GTF3C3: variants seen among roughly 807,000 people sequenced by gnomAD.
GTF3C3 encodes the protein general transcription factor IIIC subunit 3.
A neutral mutation model predicts 105.2 loss-of-function variants in GTF3C3; 75 were observed. That is an observed-to-expected ratio of 0.71 (90% CI 0.59 to 0.86). GTF3C3 has a LOEUF of 0.86. GTF3C3 is among the 40% of genes least tolerant of loss of function. The pLI, the probability that GTF3C3 is intolerant of heterozygous loss-of-function variation, is 0.00. For missense variants in GTF3C3, 856 were observed against 1,076.5 expected, an observed-to-expected ratio of 0.80 and a Z score of 2.87; for synonymous variants, 335 against 370.4, an observed-to-expected ratio of 0.90 and a Z score of 1.10.
chr2:196,781,360 ATATATAT>A (rs1559301648), intron 8 of GTF3C3, among the ~76,000 whole-genome samples: 68 of 85,438 alleles, frequency 8.0e-4, no homozygotes, highest in Middle Eastern at 6.4e-3. Flanking sequence ...AAAAAAAAAT[ATATATAT>A]ATATATATAT....
At position 196,785,508 on chromosome 2, in the gene GTF3C3, G is replaced by A. The variant is rs939548835; in HGVS notation, c.974C>T (p.Ser325Phe). The A allele has an allele frequency of 6.8e-6, 11 of 1,607,602 alleles. No homozygotes were observed. The highest frequency in any genetic ancestry group is 9.4e-6 in the Non-Finnish European group (11 of 1,174,672). Residue 325 changes from serine to phenylalanine, a missense_variant, in exon 7 of 18, where the codon TCC becomes TTC. Around this residue, in one of 3 missense-constraint regions of GTF3C3, gnomAD observed 605 missense variants for 833.6 expected, o/e 0.73. Coordinates refer to ENST00000263956, the MANE Select transcript of GTF3C3 (RefSeq NM_012086.5). ...AGCTGCTATGTTAACATCTTCCATG[G>A]AGACTAGGCCCTGGTGTTTTGAGAA... ...EAFSKHQGLV[S>F]MEDVNIAAEL...
intron 9 of GTF3C3, 59 bp from the exon 10 acceptor site, chr2:196,779,126 A>T: frequency 2.3e-6 from 3 of 1,281,322 alleles, no homozygotes; most frequent in Non-Finnish European, 3.3e-6. Flanking sequence ...ACATCTATCT[A>T]TAGCTTTTTT....
intron 3 of GTF3C3, 98 bp downstream of exon 3, chr2:196,792,858 C>A (rs1018112132): frequency 8.0e-6 from 6 of 745,962 alleles, no homozygotes; most frequent in South Asian, 3.3e-5. Context: ...TATTTCCTTT[C>A]GTACAGTTTG....
At position 196,776,529 on chromosome 2, in the gene GTF3C3, AG is replaced by A; in HGVS notation, c.1490del (p.Ser497LeufsTer26). On this transcript the variant is annotated frameshift_variant, in exon 11 of 18. Coordinates refer to ENST00000263956, the MANE Select transcript of GTF3C3 (RefSeq NM_012086.5). LOFTEE classifies it high-confidence loss of function. This position sits in a 1 kb window ranked among gnomAD's most constrained non-coding sequence, Gnocchi z 4.5. ...PLHLDARISL[S>X]TLQQQLGQPE... ...GCTGGCCCAGCTGCTGCTGAAGGGT[AG>A]AAAGTGAAATCCTTGCATCCAAATG... The A allele has an allele frequency of 6.2e-7, 1 of 1,614,152 alleles. No homozygotes were observed. Among genetic ancestry groups the A allele is most frequent in the East Asian group, 2.2e-5 (1 of 44,884 alleles).
rs144407807 is a variant in GTF3C3 at position 196,786,711 on chromosome 2, C to CA, written c.894-1124dup. Among the ~76,000 whole-genome samples the CA allele has an allele frequency of 0.11, 17,023 of 151,952 alleles. 1,045 individuals carry two copies. The highest frequency in any genetic ancestry group is 0.14 in the Non-Finnish European group (9,656 of 67,944). On this transcript the variant is annotated intron_variant, in intron 6 of 17. Transcript: ENST00000263956. This position sits in a 1 kb window ranked among gnomAD's most constrained non-coding sequence, Gnocchi z 4.2. ...AACTTAAAAAATTCTCCCACCCCTA[C>CA]AACCCATTCCTCTGCTCCCCTTGCA...
In GTF3C3 at chr2:196,780,593, C is replaced by T; in HGVS notation, c.1184G>A (p.Cys395Tyr). 1 of 1,613,604 alleles carries T rather than the reference C, an allele frequency of 6.2e-7. No homozygotes were observed. The highest frequency in any genetic ancestry group is 1.7e-5 in the Admixed American group (1 of 59,992). ...PIDITVKLMV[C>Y]LVHLNILEPL... ...TTCAAGAATGTTGAGATGTACAAGG[C>T]AGACCATCAACTTCACTGTGATATC... Residue 395 changes from cysteine to tyrosine, a missense_variant, in exon 9 of 18, where the codon TGC (cysteine) becomes TAC (tyrosine). Cys to Tyr is a radical substitution (Grantham distance 194). Transcript: ENST00000263956.
At chr2:196,796,399 C>T (rs1699645256) in intron 2 of GTF3C3, among the ~76,000 whole-genome samples, 1 of 152,202 alleles carries the variant, frequency 6.6e-6, no homozygotes, top group African/African-American at 2.4e-5. Context: ...CTTGTGCCTG[C>T]TGCTATAGTA....
intron 15 of GTF3C3, among the ~76,000 whole-genome samples, chr2:196,771,259 T>C (rs112902188): frequency 2.5e-4 from 38 of 152,308 alleles, no homozygotes; most frequent in African/African-American, 8.7e-4. Context: ...AATCTTAATA[T>C]AGATTTAGCT....
Position 196,799,621 on chromosome 2 carries a change from G to T in GTF3C3, c.-10C>A. On this transcript the variant is annotated 5_prime_UTR_variant, in exon 1 of 18. Coordinates refer to ENST00000263956, the MANE Select transcript of GTF3C3 (RefSeq NM_012086.5). ...GACTGAACCCTGACATGTTTACAGG[G>T]TCTGTCTGTGCAACCCCAGGAACCG... 1 of 1,589,684 alleles carries T rather than the reference G, an allele frequency of 6.3e-7. No homozygotes were observed. The highest frequency in any genetic ancestry group is 8.6e-7 in the Non-Finnish European group (1 of 1,157,830).
intron 8 of GTF3C3, among the ~76,000 whole-genome samples, chr2:196,784,548 C>G (rs1344759080): frequency 1.3e-5 from 2 of 151,838 alleles, no homozygotes; most frequent in African/African-American, 4.8e-5. Flanking sequence ...TGCTTCAGTG[C>G]TAAAAGTTTT....
At chr2:196,766,010 C>CAAAAAAAAAA (rs11424716) in intron 17 of GTF3C3, among the ~76,000 whole-genome samples, 2 of 87,172 alleles carry the variant, frequency 2.3e-5, no homozygotes, top group African/African-American at 9.0e-5. Flanking sequence ...ACTCTGTCTC[C>CAAAAAAAAAA]AAAAAAAAAA....
intron 1 of GTF3C3, chr2:196,799,205 TC>T (rs1209383631): frequency 3.6e-6 from 1 of 280,578 alleles, no homozygotes; most frequent in African/African-American, 2.2e-5. Flanking sequence ...TGAAACTGAC[TC>T]CAAACTCTTC....
chr2:196,765,676 C>G (rs1032942099), intron 17 of GTF3C3, among the ~76,000 whole-genome samples: 2 of 150,928 alleles, frequency 1.3e-5, no homozygotes, highest in East Asian at 3.9e-4. Context: ...AACAGCATCA[C>G]TATAAAATAT....
chr2:196,776,248 A>T lies in GTF3C3; in HGVS notation c.1594-137T>A. Reference sequence around the variant, plus strand: ...CACAATAATTAAGAGCCAATATTTTAAAACTATAATTTGTAACCCAACCAG... The same window carrying T: ...CACAATAATTAAGAGCCAATATTTTTAAACTATAATTTGTAACCCAACCAG... On this transcript the variant is annotated intron_variant, in intron 11 of 17. Transcript: ENST00000263956. The surrounding 1 kb of genome is among the most constrained non-coding windows in gnomAD (Gnocchi z 4.5). 2.8e-6 allele frequency: 2 copies of T among 705,864 alleles called. No homozygotes were observed. The highest frequency in any genetic ancestry group is 4.7e-6 in the Non-Finnish European group (2 of 422,892). The allele number at this position is 705,864 out of a possible 1,614,324, so 43.7% of individuals were successfully genotyped here.
intron 4 of GTF3C3, among the ~76,000 whole-genome samples, chr2:196,790,838 ATT>A (rs1421092149): frequency 6.6e-6 from 1 of 152,140 alleles, no homozygotes; most frequent in African/African-American, 2.4e-5. Context: ...GCAGAGCATA[ATT>A]TGGCAAAACA....
At chr2:196,764,738 C>T (rs376706627) in intron 17 of GTF3C3, 53 bp from the exon 18 acceptor site, 3 of 1,492,368 alleles carry the variant, frequency 2.0e-6, no homozygotes, top group South Asian at 1.2e-5. Context: ...TCAACCGGGA[C>T]AATTTTATGG....
At position 196,799,566 on chromosome 2, in the gene GTF3C3, T is replaced by C; in HGVS notation, c.46A>G (p.Ile16Val). Residue 16 changes from isoleucine (I) to valine (V), a missense_variant, in exon 1 of 18, where the codon ATC becomes GTC. Around this residue, in one of 3 missense-constraint regions of GTF3C3, gnomAD observed 117 missense variants for 114.0 expected, o/e 1.03. Transcript: ENST00000263956. ...CGCCGTTCGAACTCCTCAAAGGAGA[T>C]TTTCCCTTCCAAGTAGTCGATGAGT... ...PELIDYLEGKISFEEFERRRE... is the reference protein window; with the variant it reads ...PELIDYLEGKVSFEEFERRRE... 1.9e-6 allele frequency: 3 copies of C among 1,614,140 alleles called. No homozygotes were observed. Among genetic ancestry groups the C allele is most frequent in the Non-Finnish European group, 1.7e-6 (2 of 1,179,994 alleles).
In GTF3C3 at chr2:196,797,885, T is replaced by A. The variant is rs770974862; in HGVS notation, c.126A>T (p.Leu42Phe). Residue 42 changes from leucine (L) to phenylalanine (F), a missense_variant, in exon 2 of 18, where the codon TTA becomes TTT. Leu to Phe is a conservative substitution (Grantham distance 22, BLOSUM62 0). This residue lies in a region of GTF3C3 where 117 missense variants were observed against 114.0 expected (regional missense o/e 1.03). Transcript: ENST00000263956. The part of the protein sequence containing the change: ...EKKSLQEKGK[L>F]SAEENPDDSE... ...AGTCATCGGGATTTTCTTCAGCTGA[T>A]AACTTGCCTTTTTCCTGAAGACTCT... 6.2e-7 allele frequency: 1 copy of A among 1,605,042 alleles called. No homozygotes were observed. The highest frequency in any genetic ancestry group is 1.1e-5 in the South Asian group (1 of 90,914).
chr2:196,787,676 G>A (rs1351056229), intron 6 of GTF3C3, among the ~76,000 whole-genome samples: 1 of 151,984 alleles, frequency 6.6e-6, no homozygotes, highest in South Asian at 2.1e-4. Context: ...TTCCTGCTTT[G>A]TTTTTCTTCA....
Sources: gnomAD v4.1 joint callset for allele counts (sites outside exome capture counted in the v4.1 genomes callset) on GRCh38, gnomAD v4.1.1 for gene constraint, gnomAD v4.1.1 regional missense constraint, Gnocchi (gnomAD v3.1) non-coding constraint, MANE v1.5 for transcripts, NCBI Gene and HGNC (gene_info 2026-07-23, HGNC 2026-07-21) for gene names.